The following RFC1 variants were observed in gnomAD, a reference collection of about 807,000 sequenced individuals.
RFC1 encodes the protein A1 140 kDa subunit.
In RFC1, 37 loss-of-function variants were observed where a neutral mutation model predicts 137.4. The observed-to-expected ratio is 0.27, with a 90% CI of 0.21 to 0.35. The LOEUF is 0.35. Among genes scored for constraint, RFC1 ranks in the 10% least tolerant of loss-of-function variants. The pLI is 1.00. For synonymous variants in RFC1, 429 were observed against 455.7 expected (o/e 0.94, Z 0.75); for missense variants, 1,205 against 1,358.5 (o/e 0.89, Z 1.78).
chr4:39,292,769 G>C (rs1737757038), intron 22 of RFC1, among the ~76,000 whole-genome samples: 1 of 151,458 alleles, frequency 6.6e-6, no homozygotes. Flanking sequence ...AGCCTCCCAA[G>C]TAGCTGGGAT....
At chr4:39,321,465 G>A in intron 7 of RFC1, 91 bp from the exon 8 acceptor site, 1 of 1,204,906 alleles carries the variant, frequency 8.3e-7, no homozygotes, top group South Asian at 1.4e-5. Flanking sequence ...AATTTTAAGG[G>A]TCACCTTTCA....
At chr4:39,349,999 C>G (rs1013072947) in intron 2 of RFC1, among the ~76,000 whole-genome samples, 3 of 151,974 alleles carry the variant, frequency 2.0e-5, no homozygotes, top group Non-Finnish European at 2.9e-5. Flanking sequence ...AGCAAAACTC[C>G]ATCTCAAAAT....
intron 22 of RFC1, 110 bp downstream of exon 22, chr4:39,295,504 C>T: frequency 1.2e-6 from 1 of 860,836 alleles, no homozygotes; most frequent in Non-Finnish European, 1.7e-6. Flanking sequence ...ATCTAGTTAC[C>T]AATAAAATAA....
rs78830944 is a variant in RFC1 at position 39,315,864 on chromosome 4, C to T, written c.1203+1051G>A. 4.6e-5 allele frequency among the ~76,000 whole-genome samples: 7 copies of T among 152,332 alleles called. No homozygotes were observed. The East Asian group carries it at 1.3e-3, about 29-fold the overall frequency. ...TGTGTAGCTATTTCTGCCCCATCCA[C>T]AGCACTTGGTACATCAGCAGCCAGA... On this transcript the variant is annotated intron_variant, in intron 10 of 24. Coordinates refer to ENST00000349703, the MANE Select transcript of RFC1 (RefSeq NM_002913.5).
chr4:39,312,995 C>T, intron 10 of RFC1, 64 bp from the exon 11 acceptor site: 1 of 1,328,296 alleles, frequency 7.5e-7, no homozygotes, highest in East Asian at 2.4e-5. Flanking sequence ...AAACATTTGG[C>T]ATCAAAACTG....
chr4:39,308,599 TACAC>T (rs766489785), intron 13 of RFC1, 33 bp downstream of exon 13: 8 of 1,585,610 alleles, frequency 5.0e-6, no homozygotes, highest in Non-Finnish European at 6.9e-6. Context: ...CATGTTGATA[TACAC>T]ACACACAAAA....
At chr4:39,349,702 A>C (rs1345374224) in intron 2 of RFC1, among the ~76,000 whole-genome samples, 1 of 152,234 alleles carries the variant, frequency 6.6e-6, no homozygotes, top group Non-Finnish European at 1.5e-5. Flanking sequence ...TTAGCAGATA[A>C]GAATTTTAAA....
chr4:39,365,334 T>C (rs1447059736), intron 1 of RFC1: 1 of 288,036 alleles, frequency 3.5e-6, no homozygotes, highest in Non-Finnish European at 5.1e-6. Flanking sequence ...CAGAATGTTG[T>C]CACTGTGACA....
At chr4:39,308,110 T>C (rs988485620) in intron 13 of RFC1, among the ~76,000 whole-genome samples, 2 of 152,238 alleles carry the variant, frequency 1.3e-5, no homozygotes, top group Non-Finnish European at 2.9e-5. Flanking sequence ...ACTGGGAGTT[T>C]AGGCTGACTG....
At chr4:39,321,440 G>C in intron 7 of RFC1, 66 bp from the exon 8 acceptor site, 2 of 1,461,334 alleles carry the variant, frequency 1.4e-6, no homozygotes, top group Non-Finnish European at 1.9e-6. Context: ...AAAATCTGTT[G>C]TTAAAATCCA....
chr4:39,303,362 C>A (rs1201668847), intron 15 of RFC1, among the ~76,000 whole-genome samples: 1 of 151,498 alleles, frequency 6.6e-6, no homozygotes, highest in East Asian at 1.9e-4. Flanking sequence ...CCCCTGCAGA[C>A]CCCAATTCCC....
chr4:39,321,059 G>T (rs1739496196), intron 8 of RFC1, among the ~76,000 whole-genome samples: 1 of 152,162 alleles, frequency 6.6e-6, no homozygotes, highest in South Asian at 2.1e-4. Context: ...CAAGAAGCCA[G>T]GAGTTTTAAC....
chr4:39,351,046 C>T (rs1354449966), intron 2 of RFC1, among the ~76,000 whole-genome samples: 1 of 151,790 alleles, frequency 6.6e-6, no homozygotes, highest in Non-Finnish European at 1.5e-5. Context: ...GTCAGGAGAT[C>T]GAGACCATCC....
Position 39,288,535 on chromosome 4 carries a change from G to C in RFC1, c.*226C>G. On this transcript the variant is annotated 3_prime_UTR_variant, in exon 25 of 25. Coordinates refer to ENST00000349703, the MANE Select transcript of RFC1 (RefSeq NM_002913.5). ...AGAAGCACGTCTAACTAGATTGACAGAGGACAGTGGAGGACCCAAGCAGTC... is the reference window on the plus strand; with the variant it reads ...AGAAGCACGTCTAACTAGATTGACACAGGACAGTGGAGGACCCAAGCAGTC... 1 of 404,798 alleles carries C rather than the reference G, an allele frequency of 2.5e-6. No individual in the cohort carries two copies. Among genetic ancestry groups the C allele is most frequent in the Non-Finnish European group, 4.4e-6 (1 of 226,868 alleles). 25.1% of individuals were successfully genotyped at this position (404,798 alleles called of 1,614,324 possible). A position where few individuals can be genotyped will look rare whatever the true frequency, so the allele number is the denominator to read the frequency against.
chr4:39,364,859 AACTAG>A (rs1289007801), intron 1 of RFC1, among the ~76,000 whole-genome samples: 2 of 152,188 alleles, frequency 1.3e-5, no homozygotes, highest in Non-Finnish European at 2.9e-5. Context: ...GTAACTATTA[AACTAG>A]ACTATACTAA....
At chr4:39,361,225 C>A (rs1419393925) in intron 1 of RFC1, among the ~76,000 whole-genome samples, 1 of 152,014 alleles carries the variant, frequency 6.6e-6, no homozygotes, top group Non-Finnish European at 1.5e-5. Flanking sequence ...CCCGTCTCTG[C>A]TAAAAACAGA....
chr4:39,350,926 G>A (rs1185199634), intron 2 of RFC1, among the ~76,000 whole-genome samples: 3 of 151,980 alleles, frequency 2.0e-5, no homozygotes, highest in Non-Finnish European at 4.4e-5. Flanking sequence ...AACATATGTA[G>A]GTGTAATATA....
intron 1 of RFC1, among the ~76,000 whole-genome samples, chr4:39,354,340 C>A (rs889692171): frequency 1.3e-5 from 2 of 152,152 alleles, no homozygotes; most frequent in Non-Finnish European, 2.9e-5. Context: ...GTGACTTCAC[C>A]TGACTGTTCC....
At chr4:39,344,617 T>C (rs1178137613) in intron 3 of RFC1, among the ~76,000 whole-genome samples, 1 of 152,122 alleles carries the variant, frequency 6.6e-6, no homozygotes. Context: ...TAAAATTTCA[T>C]CTCTACTAAA....
Sources: allele counts gnomAD v4.1 joint callset (sites outside exome capture counted in the v4.1 genomes callset), GRCh38; gene constraint gnomAD v4.1.1; transcripts MANE v1.5; gene names NCBI Gene and HGNC (gene_info 2026-07-23, HGNC 2026-07-21).